The following SPATS2 variants were observed in gnomAD, a reference collection of about 807,000 sequenced individuals.
SPATS2 encodes the protein spermatogenesis associated serine rich 2, also known as spermatogenesis-associated serine-rich protein 2.
SPATS2 carries 38 observed loss-of-function variants against 63.7 expected under a neutral mutation model. The ratio of observed to expected loss-of-function variants is 0.60; its 90% confidence interval spans 0.46 to 0.78. The LOEUF (loss-of-function observed/expected upper bound fraction) is 0.78, where lower values mean the gene tolerates loss of function less well. Ranked by LOEUF, SPATS2 falls within the 30% of genes least tolerant of loss-of-function variation. The pLI is 0.00. For missense variants in SPATS2, 588 were observed against 666.2 expected (o/e 0.88, Z 1.29); for synonymous variants, 207 against 232.9 (o/e 0.89, Z 1.01).
At chr12:49,495,976 T>A (rs1946457050) in intron 7 of SPATS2, among the ~76,000 whole-genome samples, 1 of 152,220 alleles carries the variant, frequency 6.6e-6, no homozygotes, top group Non-Finnish European at 1.5e-5. Context: ...AACCATTTTT[T>A]TGAGGGTAAG....
chr12:49,406,177 T>C (rs560163735), intron 2 of SPATS2, among the ~76,000 whole-genome samples: 4 of 152,314 alleles, frequency 2.6e-5, no homozygotes, highest in African/African-American at 7.2e-5. Flanking sequence ...GGCAGGAGGA[T>C]AGCTTGAATT....
chr12:49,459,030 A>G (rs764522699), intron 2 of SPATS2, among the ~76,000 whole-genome samples: 1 of 152,316 alleles, frequency 6.6e-6, no homozygotes, highest in Non-Finnish European at 1.5e-5. Context: ...AAATGTAGCA[A>G]ACTGCACAGC....
At chr12:49,436,899 C>T (rs1477619060) in intron 2 of SPATS2, among the ~76,000 whole-genome samples, 1 of 141,330 alleles carries the variant, frequency 7.1e-6, no homozygotes, top group African/African-American at 2.7e-5. Context: ...GGCGGCTGGC[C>T]GGGCGGGGGG....
intron 2 of SPATS2, among the ~76,000 whole-genome samples, chr12:49,403,620 CACACACACACACACACACACAA>C (rs1427584732): frequency 6.6e-6 from 1 of 151,304 alleles, no homozygotes; most frequent in African/African-American, 2.4e-5. Flanking sequence ...CACACACACA[CACACACACACACACACACACAA>C]ACAAAACTGG....
At chr12:49,405,464 C>T (rs1167848803) in intron 2 of SPATS2, among the ~76,000 whole-genome samples, 1 of 152,126 alleles carries the variant, frequency 6.6e-6, no homozygotes, top group Non-Finnish European at 1.5e-5. Context: ...TTGGGAGGCT[C>T]AGTTGGGTGG....
chr12:49,370,922 C>T (rs753408074), intron 1 of SPATS2, among the ~76,000 whole-genome samples: 16 of 152,310 alleles, frequency 1.1e-4, no homozygotes, highest in Admixed American at 2.6e-4. Flanking sequence ...CTGTGTTGCC[C>T]AGGCTGGTCC....
intron 1 of SPATS2, among the ~76,000 whole-genome samples, chr12:49,368,405 C>A (rs111693091): frequency 0.012 from 1,873 of 152,278 alleles, 32 homozygotes; most frequent in African/African-American, 0.043. Flanking sequence ...CCAAAAATAT[C>A]TTGCTTTAAG....
chr12:49,504,590 T>C (rs1206976582), intron 9 of SPATS2, among the ~76,000 whole-genome samples: 1 of 152,090 alleles, frequency 6.6e-6, no homozygotes, highest in African/African-American at 2.4e-5. Context: ...TTTATGAAAG[T>C]CAAAAGGTAT....
At chr12:49,448,933 G>A (rs1945566352) in intron 2 of SPATS2, among the ~76,000 whole-genome samples, 1 of 152,096 alleles carries the variant, frequency 6.6e-6, no homozygotes, top group Admixed American at 6.5e-5. Flanking sequence ...TTGGCTTTAT[G>A]TGCCATATGG....
chr12:49,436,248 C>T (rs1240613064), intron 2 of SPATS2, among the ~76,000 whole-genome samples: 125 of 131,342 alleles, frequency 9.5e-4, no homozygotes, highest in Middle Eastern at 4.5e-3. Context: ...ACCTCCCGGA[C>T]GGGGCGGCTG....
chr12:49,494,873 C>G lies in SPATS2; in HGVS notation c.397C>G (p.His133Asp). ...AGAGAAAGGTGGTATGAATGGCTAC[C>G]ATGTCAATGGTGCCATCAATGACAC... ...SSEKGGMNGY[H>D]VNGAINDTES... Residue 133 changes from histidine to aspartate, a missense_variant, in exon 7 of 14, where the codon CAT becomes GAT. Coordinates refer to ENST00000552918, the MANE Select transcript of SPATS2 (RefSeq NM_023071.4). 6.2e-7 allele frequency: 1 copy of G among 1,613,674 alleles called. No homozygotes were observed. The highest frequency in any genetic ancestry group is 8.5e-7 in the Non-Finnish European group (1 of 1,179,952).
chr12:49,419,870 T>A (rs1381224046), intron 2 of SPATS2, among the ~76,000 whole-genome samples: 1 of 141,836 alleles, frequency 7.1e-6, no homozygotes, highest in African/African-American at 3.0e-5. Flanking sequence ...AGATTTTTAG[T>A]TCATTATGAA....
chr12:49,398,583 T>C (rs573310182), intron 2 of SPATS2, among the ~76,000 whole-genome samples: 4 of 152,316 alleles, frequency 2.6e-5, no homozygotes, highest in South Asian at 2.1e-4. Flanking sequence ...GCCACCCACA[T>C]AGGCACTATG....
chr12:49,510,519 G>A (rs1424777755), intron 9 of SPATS2, among the ~76,000 whole-genome samples: 3 of 149,614 alleles, frequency 2.0e-5, no homozygotes, highest in African/African-American at 7.4e-5. Flanking sequence ...GAGTCTTGAT[G>A]GTGCCACTGT....
Position 49,506,718 on chromosome 12 carries a change from G to A in SPATS2, c.839+6513G>A, listed in dbSNP as rs1403516855. Among the ~76,000 whole-genome samples the A allele has an allele frequency of 3.9e-5, 6 of 151,900 alleles. No individual in the cohort carries two copies. In the East Asian group the frequency reaches 5.8e-4, roughly 15 times the overall value. On this transcript the variant is annotated intron_variant, in intron 9 of 13. Transcript: ENST00000552918. Reference sequence around the variant, plus strand: ...CAAAATTAACTGGGCGCAATGACACGTGCCCATAGTCCAGCTACTCAAGAG... The same window carrying A: ...CAAAATTAACTGGGCGCAATGACACATGCCCATAGTCCAGCTACTCAAGAG...
intron 2 of SPATS2, among the ~76,000 whole-genome samples, chr12:49,445,364 A>C (rs535172363): frequency 1.3e-3 from 192 of 152,158 alleles, no homozygotes; most frequent in Middle Eastern, 3.4e-3. Flanking sequence ...TTTATCATTT[A>C]TTTGATTGAT....
chr12:49,522,651 AAAAGAC>A, intron 11 of SPATS2, 94 bp from the exon 12 acceptor site: 1 of 937,690 alleles, frequency 1.1e-6, no homozygotes, highest in Non-Finnish European at 1.6e-6. Context: ...TGAAGCAATA[AAAAGAC>A]AATTGAAAAT....
At chr12:49,461,062 T>A in intron 3 of SPATS2, 25 bp downstream of exon 3, 1 of 1,612,642 alleles carries the variant, frequency 6.2e-7, no homozygotes, top group Non-Finnish European at 8.5e-7. Context: ...GGGCATAAAT[T>A]GTTAAAAGCA....
At chr12:49,379,514 G>A (rs1300600279) in intron 2 of SPATS2, among the ~76,000 whole-genome samples, 3 of 127,254 alleles carry the variant, frequency 2.4e-5, no homozygotes, top group Non-Finnish European at 4.8e-5. Flanking sequence ...TCACGCCACT[G>A]CACTCCAGCA....
Sources: allele counts gnomAD v4.1 joint callset (sites outside exome capture counted in the v4.1 genomes callset), GRCh38; gene constraint gnomAD v4.1.1; transcripts MANE v1.5; gene names NCBI Gene and HGNC (gene_info 2026-07-23, HGNC 2026-07-21).